Variants in CCDC88C observed in about 807,000 individuals in gnomAD.
CCDC88C encodes the protein coiled-coil and HOOK domain protein 88C.
CCDC88C carries 131 observed loss-of-function variants against 198.8 expected under a neutral mutation model. The ratio of observed to expected loss-of-function variants is 0.66; its 90% CI spans 0.57 to 0.76. The LOEUF is 0.76. Ranked by LOEUF, CCDC88C falls within the 30% of genes least tolerant of loss-of-function variation. The pLI is 0.00. For missense variants in CCDC88C, 2,553 were observed against 2,631.6 expected (o/e 0.97, Z 0.65); for synonymous variants, 1,166 against 1,114.7 (o/e 1.05, Z -0.92).
intron 4 of CCDC88C, among the ~76,000 whole-genome samples, chr14:91,349,496 C>T (rs539341839): frequency 1.3e-5 from 2 of 152,266 alleles, no homozygotes; most frequent in East Asian, 3.9e-4. Flanking sequence ...TATAAAACGA[C>T]GTGAATTTCT....
intron 4 of CCDC88C, among the ~76,000 whole-genome samples, chr14:91,355,661 G>A (rs547928763): frequency 6.6e-5 from 10 of 152,324 alleles, no homozygotes; most frequent in African/African-American, 1.9e-4. Context: ...AGTATACGAA[G>A]TACTGTTTCA....
At chr14:91,383,477 C>T (rs189516172) in intron 3 of CCDC88C, among the ~76,000 whole-genome samples, 289 of 152,194 alleles carry the variant, frequency 1.9e-3, no homozygotes, top group South Asian at 6.4e-3. Context: ...CTCAGATGTC[C>T]GGGAGCCAGG....
At chr14:91,297,558 C>T (rs1891064568) in intron 21 of CCDC88C, 67 bp from the exon 22 acceptor site, 3 of 1,476,720 alleles carry the variant, frequency 2.0e-6, no homozygotes, top group African/African-American at 1.4e-5. Context: ...GGCCCAGAGA[C>T]CTGGGCTATG....
intron 3 of CCDC88C, among the ~76,000 whole-genome samples, chr14:91,377,448 G>C (rs1342121931): frequency 1.3e-5 from 2 of 152,062 alleles, no homozygotes; most frequent in African/African-American, 4.8e-5. Flanking sequence ...TGGAGTTCAG[G>C]GGGTTAAGGG....
intron 6 of CCDC88C, 53 bp from the exon 7 acceptor site, chr14:91,340,077 T>C: frequency 6.3e-7 from 1 of 1,589,476 alleles, no homozygotes; most frequent in East Asian, 2.3e-5. Flanking sequence ...GGGCGCCCAC[T>C]TCCCTCACAC....
intron 20 of CCDC88C, among the ~76,000 whole-genome samples, chr14:91,301,259 C>T (rs1357097977): frequency 6.6e-6 from 1 of 152,180 alleles, no homozygotes; most frequent in African/African-American, 2.4e-5. Context: ...CACTCCTAAA[C>T]CTGTAGCCCT....
chr14:91,414,413 AG>A (rs1487743367), intron 2 of CCDC88C, among the ~76,000 whole-genome samples: 1 of 152,234 alleles, frequency 6.6e-6, no homozygotes, highest in African/African-American at 2.4e-5. Flanking sequence ...GATACAGGCC[AG>A]GGTTCATTGT....
In CCDC88C at chr14:91,339,942, G is replaced by T. The variant is rs527616983; in HGVS notation, c.566C>A (p.Ser189Ter). 1 of 1,598,704 alleles carries T rather than the reference G, an allele frequency of 6.3e-7. No homozygotes were observed. Among genetic ancestry groups the T allele is most frequent in the Non-Finnish European group, 8.5e-7 (1 of 1,173,818 alleles). Residue 189 changes from serine to a stop codon, truncating the protein, a stop_gained, in exon 7 of 30, where the codon TCG becomes TAG. Coordinates refer to ENST00000389857, the MANE Select transcript of CCDC88C (RefSeq NM_001080414.4). LOFTEE classifies it high-confidence loss of function. The surrounding 1 kb of genome is among the most constrained non-coding windows in gnomAD (Gnocchi z 5.8). ...CCGCAGGTGGAGCACCATGCTCCTC[G>T]ACAGGGCCTCCAGCTCCTCCGGAGC... ...DVAPEELEALSRSMVLHLRRL... is the reference protein window; with the variant it reads ...DVAPEELEAL
intron 4 of CCDC88C, among the ~76,000 whole-genome samples, chr14:91,353,958 C>A (rs531668993): frequency 6.6e-6 from 1 of 152,318 alleles, no homozygotes; most frequent in East Asian, 1.9e-4. Flanking sequence ...GTGACAGTAA[C>A]CCTCTTGCTT....
At chr14:91,395,640 G>A (rs1015990067) in intron 3 of CCDC88C, among the ~76,000 whole-genome samples, 19 of 151,920 alleles carry the variant, frequency 1.3e-4, no homozygotes, top group African/African-American at 3.6e-4. Flanking sequence ...AGTGGCTAAC[G>A]TTATCCCCCA....
intron 24 of CCDC88C, 30 bp downstream of exon 24, chr14:91,290,952 TTTTAAGTTCTGTC>T: frequency 2.4e-6 from 3 of 1,253,258 alleles, no homozygotes; most frequent in Non-Finnish European, 3.5e-6. Context: ...AAAAGGAAGC[TTTTAAGTTCTGTC>T]TTTATGCCAC....
intron 4 of CCDC88C, among the ~76,000 whole-genome samples, chr14:91,359,168 T>TC (rs1894184790): frequency 1.4e-5 from 2 of 146,196 alleles, no homozygotes; most frequent in Non-Finnish European, 3.0e-5. Context: ...TTCTTTTTTT[T>TC]TTTTTTTTTT....
At chr14:91,310,821 C>G (rs1761175424) in intron 15 of CCDC88C, among the ~76,000 whole-genome samples, 1 of 152,196 alleles carries the variant, frequency 6.6e-6, no homozygotes, top group Admixed American at 6.5e-5. Flanking sequence ...CCGTTTTCTG[C>G]CTGGTGTCAC....
intron 4 of CCDC88C, among the ~76,000 whole-genome samples, chr14:91,344,658 G>C (rs1369577560): frequency 6.6e-6 from 1 of 151,312 alleles, no homozygotes; most frequent in African/African-American, 2.4e-5. Flanking sequence ...ACTACAGGCG[G>C]CCACCACCGC....
At chr14:91,407,333 G>A (rs747493042) in intron 3 of CCDC88C, among the ~76,000 whole-genome samples, 8 of 152,198 alleles carry the variant, frequency 5.3e-5, no homozygotes, top group African/African-American at 1.4e-4. Flanking sequence ...GGGAGTCACG[G>A]CTGGCCAGAC....
chr14:91,386,897 T>A lies in CCDC88C; in HGVS notation c.270+21762A>T, dbSNP rs1885183203. ...AGAAGGTAGCCAGGACCCACCACAA[T>A]GAGGTAGTACTGGGCATCCTCTGTG... On this transcript the variant is annotated intron_variant, in intron 3 of 29. Transcript: ENST00000389857. Among the ~76,000 whole-genome samples, 4 of 152,206 alleles carry A rather than the reference T, an allele frequency of 2.6e-5. No homozygotes were observed. In the South Asian group the frequency reaches 8.3e-4, roughly 31 times the overall value.
chr14:91,289,396 T>G (rs1355116109), intron 24 of CCDC88C, 53 bp from the exon 25 acceptor site: 2 of 1,499,666 alleles, frequency 1.3e-6, no homozygotes. Flanking sequence ...ACACCCCCAG[T>G]GGGTCCCTGG....
intron 27 of CCDC88C, chr14:91,281,148 T>C: frequency 1.9e-6 from 1 of 532,642 alleles, no homozygotes; most frequent in Non-Finnish European, 3.6e-6. Context: ...CTTCTTGAAA[T>C]GAACGCTCCC....
intron 3 of CCDC88C, among the ~76,000 whole-genome samples, chr14:91,396,793 G>A (rs1285379274): frequency 2.0e-5 from 3 of 152,068 alleles, no homozygotes; most frequent in African/African-American, 7.2e-5. Context: ...TCAGGAGTTC[G>A]AGACCAGCCT....
Sources: gnomAD v4.1 joint callset for allele counts (sites outside exome capture counted in the v4.1 genomes callset) on GRCh38, gnomAD v4.1.1 for gene constraint, Gnocchi (gnomAD v3.1) non-coding constraint, MANE v1.5 for transcripts, NCBI Gene and HGNC (gene_info 2026-07-23, HGNC 2026-07-21) for gene names.